Variants in PAFAH1B2 observed in about 807,000 individuals in gnomAD.
The protein encoded by PAFAH1B2 is platelet-activating factor acetylhydrolase IB subunit alpha2.
A neutral mutation model predicts 28.0 loss-of-function variants in PAFAH1B2; 8 were observed. The ratio of observed to expected loss-of-function variants is 0.29; its 90% confidence interval spans 0.17 to 0.52. The LOEUF (loss-of-function observed/expected upper bound fraction) is 0.52. PAFAH1B2 is among the 20% of genes least tolerant of loss of function. The pLI, the probability that PAFAH1B2 is intolerant of heterozygous loss-of-function variation, is 0.97. For missense variants in PAFAH1B2, 190 were observed against 282.6 expected (o/e 0.67, Z 2.35); for synonymous variants, 104 against 103.2 (o/e 1.01, Z -0.05).
chr11:117,175,746 C>G, downstream of PAFAH1B2: 1 of 1,060,036 alleles, frequency 9.4e-7, no homozygotes, highest in Non-Finnish European at 1.3e-6. Context: ...GCGTTTAAAA[C>G]AGGCGTAGGG....
At position 117,169,249 on chromosome 11, in the gene PAFAH1B2, A is replaced by T. The variant is rs1169922308; in HGVS notation, c.*1550A>T. 2 of 1,037,562 alleles carry T rather than the reference A, an allele frequency of 1.9e-6. No homozygotes were observed. The highest frequency in any genetic ancestry group is 5.9e-5 in the East Asian group (1 of 16,890). 64.3% of individuals were successfully genotyped at this position (1,037,562 alleles called of 1,614,324 possible). A position where few individuals can be genotyped will look rare whatever the true frequency, so the allele number is the denominator to read the frequency against. On this transcript the variant is annotated 3_prime_UTR_variant, in exon 6 of 6. Transcript: ENST00000527958. Reference sequence around the variant, plus strand: ...CTGAGGTGTCTTATTAATGTACTTCATCTGAGAATTTGTTGATCTTAATGT... The same window carrying T: ...CTGAGGTGTCTTATTAATGTACTTCTTCTGAGAATTTGTTGATCTTAATGT...
At chr11:117,156,112 T>A (rs1448867752) in intron 2 of PAFAH1B2, among the ~76,000 whole-genome samples, 1 of 152,176 alleles carries the variant, frequency 6.6e-6, no homozygotes, top group Admixed American at 6.6e-5. Context: ...TGCTTGAGTC[T>A]GGGAGTTTGA....
downstream of PAFAH1B2, among the ~76,000 whole-genome samples, chr11:117,173,691 GT>G (rs1245762549): frequency 6.6e-6 from 1 of 152,138 alleles, no homozygotes; most frequent in Non-Finnish European, 1.5e-5. Context: ...CATGTGACAG[GT>G]TTGAGACCTT....
downstream of PAFAH1B2, chr11:117,175,327 A>C: frequency 3.7e-6 from 4 of 1,069,228 alleles, no homozygotes; most frequent in Non-Finnish European, 4.5e-6. Flanking sequence ...TGCAGCCAAC[A>C]AAAAGGCATT....
intron 4 of PAFAH1B2, among the ~76,000 whole-genome samples, chr11:117,162,190 G>A (rs1262426937): frequency 6.6e-6 from 1 of 152,212 alleles, no homozygotes; most frequent in African/African-American, 2.4e-5. Flanking sequence ...CTAGAATGCA[G>A]TGGCATGATT....
chr11:117,173,526 A>G (rs1956717641), downstream of PAFAH1B2, among the ~76,000 whole-genome samples: 1 of 152,106 alleles, frequency 6.6e-6, no homozygotes. Flanking sequence ...TTTTCTTTGA[A>G]TGGATGAGAG....
intron 1 of PAFAH1B2, among the ~76,000 whole-genome samples, chr11:117,146,974 CAAA>C (rs1015468011): frequency 1.3e-5 from 2 of 148,730 alleles, no homozygotes; most frequent in African/African-American, 2.5e-5. Context: ...TCAAAAAAAA[CAAA>C]AAAAAAGCCG....
intron 4 of PAFAH1B2, among the ~76,000 whole-genome samples, chr11:117,161,642 G>A (rs1449285348): frequency 6.6e-6 from 1 of 151,694 alleles, no homozygotes; most frequent in Non-Finnish European, 1.5e-5. Context: ...CCGAGTAGCT[G>A]GGATTACAGG....
chr11:117,152,598 T>A lies in PAFAH1B2; in HGVS notation c.81+70T>A, dbSNP rs903732590. On this transcript the variant is annotated intron_variant, in intron 2 of 5. Transcript: ENST00000527958. ...AGTTTTTTGTCTGTTTTGTTTTAGT[T>A]TTTGAGACAAGGTCTCACTGTGTTG... 3 of 1,145,684 alleles carry A rather than the reference T, an allele frequency of 2.6e-6. No individual in the cohort carries two copies. The African/African-American group carries it at 4.6e-5, about 17-fold the overall frequency. 71.0% of individuals were successfully genotyped at this position (1,145,684 alleles called of 1,614,324 possible).
At chr11:117,175,584 A>T, downstream of PAFAH1B2, 1 of 1,145,688 alleles carries the variant, frequency 8.7e-7, no homozygotes, top group Non-Finnish European at 1.1e-6. Flanking sequence ...GGGAGCAAAC[A>T]GAAATAGTGA....
downstream of PAFAH1B2, among the ~76,000 whole-genome samples, chr11:117,172,431 C>A (rs1284838670): frequency 5.2e-4 from 57 of 110,474 alleles, no homozygotes; most frequent in East Asian, 7.7e-3. Context: ...TTTTTTTTTA[C>A]ATTCTGGTCA....
In PAFAH1B2 at chr11:117,171,001, C is replaced by G. The variant is rs1305348033; in HGVS notation, c.*3302C>G. The stretch of plus-strand genomic sequence containing the variant: ...GTTTCATTGACTAGTAGAACTCATT[C>G]TGTTTTAGTGTATATTTCAATATAA... On this transcript the variant is annotated 3_prime_UTR_variant, in exon 6 of 6. Transcript: ENST00000527958. 2 of 1,043,612 alleles carry G rather than the reference C, an allele frequency of 1.9e-6. No homozygotes were observed. The highest frequency in any genetic ancestry group is 1.7e-5 in the African/African-American group (1 of 59,828). The allele number at this position is 1,043,612 out of a possible 1,614,324, so 64.6% of individuals were successfully genotyped here. A position where few individuals can be genotyped will look rare whatever the true frequency, so the allele number is the denominator to read the frequency against.
At chr11:117,145,424 G>A (rs769539507) in intron 1 of PAFAH1B2, among the ~76,000 whole-genome samples, 2 of 118,030 alleles carry the variant, frequency 1.7e-5, no homozygotes, top group Non-Finnish European at 3.6e-5. Flanking sequence ...TGTACAGCTT[G>A]AAATTATGGG....
intron 2 of PAFAH1B2, among the ~76,000 whole-genome samples, chr11:117,153,022 T>G (rs924923449): frequency 6.6e-6 from 1 of 152,104 alleles, no homozygotes; most frequent in African/African-American, 2.4e-5. Context: ...GCCGAGATTG[T>G]GCCACTGCAC....
downstream of PAFAH1B2, among the ~76,000 whole-genome samples, chr11:117,172,594 C>T (rs1451537134): frequency 6.6e-6 from 1 of 151,966 alleles, no homozygotes; most frequent in African/African-American, 2.4e-5. Context: ...ACCTTCCACC[C>T]TTTACTTTGA....
downstream of PAFAH1B2, among the ~76,000 whole-genome samples, chr11:117,174,464 G>T (rs191329436): frequency 2.5e-4 from 37 of 150,580 alleles, no homozygotes; most frequent in South Asian, 4.6e-3. Flanking sequence ...AATTACAGGC[G>T]TGAGTCACCG....
chr11:117,168,446 G>GTTTGGTGTTT lies in PAFAH1B2; in HGVS notation c.*750_*751insGGTGTTTTTT. Reference sequence around the variant, plus strand: ...TCCCCTTCATTCCCCCCGCCACCCCGTTTTTTTTTTTTTTTTTTTTTTTTT... The same window carrying GTTTGGTGTTT: ...TCCCCTTCATTCCCCCCGCCACCCCGTTTGGTGTTTTTTTTTTTTTTTTTTTTTTTTTTTT... On this transcript the variant is annotated 3_prime_UTR_variant, in exon 6 of 6. Coordinates refer to ENST00000527958, the MANE Select transcript of PAFAH1B2 (RefSeq NM_002572.4). 4.3e-6 allele frequency: 1 copy of GTTTGGTGTTT among 234,818 alleles called. No individual in the cohort carries two copies. Among genetic ancestry groups the GTTTGGTGTTT allele is most frequent in the Non-Finnish European group, 5.0e-6 (1 of 200,706 alleles). The allele number at this position is 234,818 out of a possible 1,614,324, so 14.5% of individuals were successfully genotyped here.
Position 117,169,542 on chromosome 11 carries a change from C to T in PAFAH1B2, c.*1843C>T, listed in dbSNP as rs1425945685. 2.8e-6 allele frequency: 3 copies of T among 1,055,692 alleles called. No individual in the cohort carries two copies. The highest frequency in any genetic ancestry group is 5.3e-5 in the East Asian group (1 of 18,904). The allele number at this position is 1,055,692 out of a possible 1,614,324, so 65.4% of individuals were successfully genotyped here. ...ACCGATTTCTGATTGAGGGATGAAC[C>T]TTGGGCTCATTTTTTTCTTGTGAAG... On this transcript the variant is annotated 3_prime_UTR_variant, in exon 6 of 6. Coordinates refer to ENST00000527958, the MANE Select transcript of PAFAH1B2 (RefSeq NM_002572.4).
chr11:117,148,308 C>G (rs561188502), intron 1 of PAFAH1B2, among the ~76,000 whole-genome samples: 21 of 152,014 alleles, frequency 1.4e-4, no homozygotes, highest in African/African-American at 5.1e-4. Flanking sequence ...CTGCCTCGGC[C>G]CCCCCAAAAT....
Sources: gnomAD v4.1 joint callset for allele counts (sites outside exome capture counted in the v4.1 genomes callset) on GRCh38, gnomAD v4.1.1 for gene constraint, MANE v1.5 for transcripts, NCBI Gene and HGNC (gene_info 2026-07-23, HGNC 2026-07-21) for gene names.